Variants in GRM8 observed in about 807,000 individuals in gnomAD.
GRM8 encodes the protein metabotropic glutamate receptor 8.
A neutral mutation model predicts 87.2 loss-of-function variants in GRM8; 47 were observed. The observed-to-expected ratio is 0.54, with a 90% confidence interval of 0.43 to 0.69. The LOEUF is 0.69. Ranked by LOEUF, GRM8 falls within the 30% of genes least tolerant of loss-of-function variation. GRM8 has a pLI of 0.00. For missense variants in GRM8, 1,019 were observed against 1,139.2 expected (o/e 0.89, Z 1.52); for synonymous variants, 396 against 404.5 (o/e 0.98, Z 0.25).
At chr7:127,220,369 CA>C (rs533111138) in intron 2 of GRM8, among the ~76,000 whole-genome samples, 1 of 151,672 alleles carries the variant, frequency 6.6e-6, no homozygotes, top group Admixed American at 6.6e-5. Flanking sequence ...TACCAAATTA[CA>C]AAAAAAGGAT....
chr7:126,791,621 T>C (rs1289348212), intron 6 of GRM8, among the ~76,000 whole-genome samples: 1 of 152,216 alleles, frequency 6.6e-6, no homozygotes. Flanking sequence ...AACAGGACTG[T>C]GTTCAAAAGC....
intron 7 of GRM8, among the ~76,000 whole-genome samples, chr7:126,629,371 A>C (rs1801019503): frequency 6.6e-6 from 1 of 152,180 alleles, no homozygotes; most frequent in Non-Finnish European, 1.5e-5. Context: ...AAAGAGTAAA[A>C]TCAGGCAGAA....
intron 2 of GRM8, among the ~76,000 whole-genome samples, chr7:127,232,301 G>C (rs1316106087): frequency 1.3e-5 from 2 of 151,410 alleles, no homozygotes; most frequent in Non-Finnish European, 2.9e-5. Flanking sequence ...CATGATCATG[G>C]CTCACTGTAG....
At position 126,701,788 on chromosome 7, in the gene GRM8, G is replaced by T. The variant is rs766272956; in HGVS notation, c.1357+68077C>A. The T allele has an allele frequency of 4.6e-6, 6 of 1,291,978 alleles. No individual in the cohort carries two copies. The South Asian group carries it at 6.2e-5, about 13-fold the overall frequency. The allele number at this position is 1,291,978 out of a possible 1,614,324, so 80.0% of individuals were successfully genotyped here. A position where few individuals can be genotyped will look rare whatever the true frequency, so the allele number is the denominator to read the frequency against. Reference sequence around the variant, plus strand: ...ACTGGAAAATGAAGGAGTAAAAAGAGTTGGCCAGGGTAGAGACATCTGGAT... The same window carrying T: ...ACTGGAAAATGAAGGAGTAAAAAGATTTGGCCAGGGTAGAGACATCTGGAT... On this transcript the variant is annotated intron_variant, in intron 7 of 10. Transcript: ENST00000339582.
At chr7:126,910,783 T>C (rs1342136027) in intron 3 of GRM8, among the ~76,000 whole-genome samples, 2 of 152,188 alleles carry the variant, frequency 1.3e-5, no homozygotes, top group African/African-American at 4.8e-5. Flanking sequence ...CTGAGACTTG[T>C]GGGTGAGTGG....
intron 7 of GRM8, among the ~76,000 whole-genome samples, chr7:126,629,921 C>T (rs1304398927): frequency 6.6e-6 from 1 of 152,058 alleles, no homozygotes; most frequent in Non-Finnish European, 1.5e-5. Context: ...AGAAGCTGGC[C>T]TATCAAACTG....
intron 9 of GRM8, among the ~76,000 whole-genome samples, chr7:126,472,109 G>C (rs1370275983): frequency 3.9e-5 from 6 of 152,078 alleles, no homozygotes; most frequent in Non-Finnish European, 7.3e-5. Flanking sequence ...GGGTTTTCTA[G>C]ATATACAATC....
chr7:126,608,711 G>GAT (rs1487870114), intron 8 of GRM8, among the ~76,000 whole-genome samples: 2 of 151,180 alleles, frequency 1.3e-5, no homozygotes, highest in African/African-American at 4.9e-5. Flanking sequence ...CTATCAACCA[G>GAT]ATATAGCCAG....
intron 8 of GRM8, among the ~76,000 whole-genome samples, chr7:126,589,937 G>A (rs1451777727): frequency 6.6e-6 from 1 of 152,032 alleles, no homozygotes; most frequent in African/African-American, 2.4e-5. Context: ...AAAAGAACCA[G>A]AAAATCACTT....
At chr7:126,475,853 T>C (rs1245210401) in intron 9 of GRM8, among the ~76,000 whole-genome samples, 1 of 152,054 alleles carries the variant, frequency 6.6e-6, no homozygotes. Flanking sequence ...GTTCCAAAAA[T>C]ATGCAATGGG....
intron 9 of GRM8, among the ~76,000 whole-genome samples, chr7:126,450,449 G>A (rs1380255717): frequency 1.3e-5 from 2 of 151,754 alleles, no homozygotes; most frequent in Non-Finnish European, 2.9e-5. Flanking sequence ...TGGCTGCTTT[G>A]CATACCGTTT....
intron 8 of GRM8, among the ~76,000 whole-genome samples, chr7:126,580,093 C>T (rs975408791): frequency 1.3e-5 from 2 of 151,964 alleles, no homozygotes; most frequent in African/African-American, 4.8e-5. Context: ...ATTCAAATGG[C>T]CAAAGAGCAC....
chr7:126,694,422 C>T (rs75273178), intron 7 of GRM8, among the ~76,000 whole-genome samples: 1 of 152,110 alleles, frequency 6.6e-6, no homozygotes, highest in Non-Finnish European at 1.5e-5. Context: ...TAGAGTGTAA[C>T]CAATGATTTG....
intron 9 of GRM8, among the ~76,000 whole-genome samples, chr7:126,490,045 C>A (rs2150635146): frequency 6.6e-6 from 1 of 152,136 alleles, no homozygotes. Context: ...ACACCATTGC[C>A]CACTGGCTTT....
chr7:127,104,541 A>G (rs891027743), intron 3 of GRM8, among the ~76,000 whole-genome samples: 2 of 152,190 alleles, frequency 1.3e-5, no homozygotes, highest in African/African-American at 4.8e-5. Context: ...GTGTGGTACT[A>G]ATTTGGCCTT....
intron 3 of GRM8, among the ~76,000 whole-genome samples, chr7:126,955,736 T>C (rs1469853082): frequency 3.3e-5 from 5 of 152,158 alleles, no homozygotes; most frequent in Non-Finnish European, 7.4e-5. Context: ...AAACTCCAGA[T>C]TCTAACATTT....
Position 127,193,587 on chromosome 7 carries a change from G to A in GRM8, c.510+49108C>T, listed in dbSNP as rs962118752. 3.3e-5 allele frequency among the ~76,000 whole-genome samples: 5 copies of A among 152,318 alleles called. No individual in the cohort carries two copies. In the South Asian group the frequency reaches 8.3e-4, roughly 25 times the overall value. On this transcript the variant is annotated intron_variant, in intron 2 of 10. Coordinates refer to ENST00000339582, the MANE Select transcript of GRM8 (RefSeq NM_000845.3). ...CCCATGGCATTTCAAGAGGCTTTGAGTCTTTCTGAGGCTTAAAGAGTGAGG... is the reference window on the plus strand; with the variant it reads ...CCCATGGCATTTCAAGAGGCTTTGAATCTTTCTGAGGCTTAAAGAGTGAGG...
chr7:126,889,378 C>A (rs1800784712), intron 6 of GRM8, among the ~76,000 whole-genome samples: 1 of 152,066 alleles, frequency 6.6e-6, no homozygotes, highest in African/African-American at 2.4e-5. Flanking sequence ...CTTAGTTCCT[C>A]TTGGGTCTTA....
intron 9 of GRM8, among the ~76,000 whole-genome samples, chr7:126,496,143 T>C (rs1325331064): frequency 6.6e-6 from 1 of 151,884 alleles, no homozygotes; most frequent in Non-Finnish European, 1.5e-5. Flanking sequence ...AGAGAGATTT[T>C]ATTTTGGAAA....
Sources: gnomAD v4.1 joint callset for allele counts (sites outside exome capture counted in the v4.1 genomes callset) on GRCh38, gnomAD v4.1.1 for gene constraint, MANE v1.5 for transcripts, NCBI Gene and HGNC (gene_info 2026-07-23, HGNC 2026-07-21) for gene names.